The following RBPMS variants were observed in gnomAD, a reference collection of about 807,000 sequenced individuals.
RBPMS encodes the protein RNA-binding protein with multiple splicing.
RBPMS carries 7 observed loss-of-function variants against 26.8 expected under a neutral mutation model. The ratio of observed to expected loss-of-function variants is 0.26; its 90% CI spans 0.15 to 0.49. The LOEUF is 0.49. Ranked by LOEUF, RBPMS falls within the 20% of genes least tolerant of loss-of-function variation. The probability of loss-of-function intolerance (pLI) is 0.98; values close to 1 mark genes in which losing one functional copy is unlikely to be tolerated. For missense variants in RBPMS, 186 were observed against 250.0 expected (o/e 0.74, Z 1.73); for synonymous variants, 96 against 93.3 (o/e 1.03, Z -0.17).
chr8:30,418,128 A>C (rs896482560), intron 1 of RBPMS, among the ~76,000 whole-genome samples: 1 of 152,260 alleles, frequency 6.6e-6, no homozygotes, highest in Non-Finnish European at 1.5e-5. Context: ...TTTCTGGATG[A>C]AAGTGATGTG....
At chr8:30,560,747 T>C (rs921875850) in intron 7 of RBPMS, among the ~76,000 whole-genome samples, 11 of 152,298 alleles carry the variant, frequency 7.2e-5, no homozygotes, top group African/African-American at 2.2e-4. Context: ...GAGGGGGCTC[T>C]GGTACACGGT....
chr8:30,528,394 T>G (rs1262642841), intron 5 of RBPMS, among the ~76,000 whole-genome samples: 1 of 151,984 alleles, frequency 6.6e-6, no homozygotes, highest in Non-Finnish European at 1.5e-5. Flanking sequence ...ACAGGACATG[T>G]AGGATGGGGG....
In RBPMS at chr8:30,566,276, G is replaced by A. The variant is rs1827881919; in HGVS notation, c.*27G>A. On this transcript the variant is annotated 3_prime_UTR_variant, in exon 8 of 9. Transcript: ENST00000397323. ...TCCCAGGTCCCAGGTGTGTGATGGC[G>A]GCTGCAATCTGTCTTGTGGGTATTA... The A allele has an allele frequency of 8.1e-6, 8 of 985,984 alleles. No homozygotes were observed. Among genetic ancestry groups the A allele is most frequent in the South Asian group, 4.7e-5 (1 of 21,284 alleles). 61.1% of individuals were successfully genotyped at this position (985,984 alleles called of 1,614,324 possible).
chr8:30,416,733 A>G (rs1316302580), intron 1 of RBPMS, among the ~76,000 whole-genome samples: 1 of 151,570 alleles, frequency 6.6e-6, no homozygotes, highest in African/African-American at 2.4e-5. Context: ...TCGGCCTCCC[A>G]AAGTGCTGGG....
intron 1 of RBPMS, among the ~76,000 whole-genome samples, chr8:30,443,100 G>A (rs567626692): frequency 1.8e-4 from 27 of 152,288 alleles, no homozygotes; most frequent in African/African-American, 6.0e-4. Flanking sequence ...CGTACGGAAA[G>A]CAGTTGTGAT....
chr8:30,459,209 A>T (rs1392798639), intron 1 of RBPMS, among the ~76,000 whole-genome samples: 2 of 150,772 alleles, frequency 1.3e-5, no homozygotes, highest in Non-Finnish European at 3.0e-5. Context: ...TGATCCTCCC[A>T]TCTTGGCCTC....
At chr8:30,501,665 A>AT (rs1820570817) in intron 4 of RBPMS, among the ~76,000 whole-genome samples, 1 of 152,194 alleles carries the variant, frequency 6.6e-6, no homozygotes, top group Non-Finnish European at 1.5e-5. Flanking sequence ...CACCATTTAC[A>AT]TTTGGAAGAG....
At chr8:30,475,353 C>G (rs1563354430) in intron 2 of RBPMS, among the ~76,000 whole-genome samples, 1 of 152,184 alleles carries the variant, frequency 6.6e-6, no homozygotes. Context: ...TTGAAAACTT[C>G]ATAGGAAATT....
chr8:30,423,738 G>T lies in RBPMS; in HGVS notation c.66+38580G>T, dbSNP rs538618383. ...AGTAGTCACATGGGTCCCTTGCCAA[G>T]AGAGAAGATCTCTCTCAGGAAGAAA... On this transcript the variant is annotated intron_variant, in intron 1 of 8. Coordinates refer to ENST00000397323, the MANE Select transcript of RBPMS (RefSeq NM_001008710.3). Among the ~76,000 whole-genome samples, 44 of 152,240 alleles carry T rather than the reference G, an allele frequency of 2.9e-4. No individual in the cohort carries two copies. In the South Asian group the frequency reaches 8.5e-3, roughly 29 times the overall value.
Position 30,457,700 on chromosome 8 carries a change from C to T in RBPMS, c.67-17079C>T, listed in dbSNP as rs574484562. Among the ~76,000 whole-genome samples, 3 of 150,804 alleles carry T rather than the reference C, an allele frequency of 2.0e-5. No homozygotes were observed. The South Asian group carries it at 6.3e-4, about 32-fold the overall frequency. ...TCCCGGGTTCAAGTGATTCTCCTGCCTTAGCCTCCTGAGTAGCTGGGATTA... is the reference window on the plus strand; with the variant it reads ...TCCCGGGTTCAAGTGATTCTCCTGCTTTAGCCTCCTGAGTAGCTGGGATTA... On this transcript the variant is annotated intron_variant, in intron 1 of 8. Coordinates refer to ENST00000397323, the MANE Select transcript of RBPMS (RefSeq NM_001008710.3).
intron 5 of RBPMS, among the ~76,000 whole-genome samples, chr8:30,542,455 C>T (rs1825482214): frequency 6.6e-6 from 1 of 152,146 alleles, no homozygotes; most frequent in Admixed American, 6.5e-5. Flanking sequence ...GATCAGGTAA[C>T]CACCTCTACC....
At chr8:30,511,215 T>C (rs769535787) in intron 5 of RBPMS, among the ~76,000 whole-genome samples, 4 of 152,062 alleles carry the variant, frequency 2.6e-5, no homozygotes, top group Non-Finnish European at 4.4e-5. Context: ...CTCCGGAGGC[T>C]GAGGCAGAGA....
At chr8:30,570,403 G>A (rs549242054) in intron 8 of RBPMS, among the ~76,000 whole-genome samples, 5 of 152,314 alleles carry the variant, frequency 3.3e-5, no homozygotes, top group African/African-American at 1.2e-4. Flanking sequence ...TGTGTTTCAA[G>A]AAAACCTCTG....
At chr8:30,430,979 A>G (rs1488538361) in intron 1 of RBPMS, among the ~76,000 whole-genome samples, 1 of 152,240 alleles carries the variant, frequency 6.6e-6, no homozygotes, top group Admixed American at 6.5e-5. Flanking sequence ...ATGCAGTAGC[A>G]TAAGTAATTA....
intron 5 of RBPMS, among the ~76,000 whole-genome samples, chr8:30,528,031 C>T (rs564631390): frequency 1.1e-3 from 168 of 152,168 alleles, no homozygotes; most frequent in African/African-American, 3.5e-3. Context: ...AAAAATTAGC[C>T]GGGCGTGGTG....
intron 1 of RBPMS, among the ~76,000 whole-genome samples, chr8:30,395,289 G>A (rs977612089): frequency 6.8e-5 from 1 of 14,628 alleles, no homozygotes; most frequent in African/African-American, 5.4e-4. Flanking sequence ...TGAGCAACAC[G>A]GCAAAACCTC....
intron 4 of RBPMS, among the ~76,000 whole-genome samples, chr8:30,482,034 TAC>T (rs1455115556): frequency 6.6e-6 from 1 of 152,242 alleles, no homozygotes; most frequent in Non-Finnish European, 1.5e-5. Context: ...TTGTGGCAGT[TAC>T]AGAGTATTTA....
At chr8:30,557,752 C>T (rs1177142462) in intron 6 of RBPMS, among the ~76,000 whole-genome samples, 1 of 152,374 alleles carries the variant, frequency 6.6e-6, no homozygotes, top group African/African-American at 2.4e-5. Flanking sequence ...ACCATGCCGC[C>T]TCCATGTGAA....
intron 1 of RBPMS, among the ~76,000 whole-genome samples, chr8:30,423,223 T>A (rs1464599435): frequency 6.6e-6 from 1 of 152,232 alleles, no homozygotes; most frequent in African/African-American, 2.4e-5. Flanking sequence ...GGGCTCTTTT[T>A]ATTCTTTCTT....
Sources: gnomAD v4.1 joint callset for allele counts (sites outside exome capture counted in the v4.1 genomes callset) on GRCh38, gnomAD v4.1.1 for gene constraint, MANE v1.5 for transcripts, NCBI Gene and HGNC (gene_info 2026-07-23, HGNC 2026-07-21) for gene names.